The following DEPDC1B variants were observed in gnomAD, a reference collection of about 807,000 sequenced individuals.
DEPDC1B encodes the protein DEP domain containing 1B, also known as DEP domain-containing protein 1B.
In DEPDC1B, 51 loss-of-function variants were observed where a neutral mutation model predicts 66.5. That is an observed-to-expected ratio of 0.77 (90% CI 0.61 to 0.97). The LOEUF (loss-of-function observed/expected upper bound fraction) is 0.97, where lower values mean the gene tolerates loss of function less well. DEPDC1B is among the 50% of genes least tolerant of loss of function. DEPDC1B has a pLI of 0.00. For synonymous variants in DEPDC1B, 226 were observed against 223.6 expected (o/e 1.01, Z -0.10); for missense variants, 552 against 637.1 (o/e 0.87, Z 1.44).
chr5:60,687,060 C>T lies in DEPDC1B; in HGVS notation c.216G>A (p.Thr72=), dbSNP rs757840025. ...TCAGGAATTTTTTTAGCAGCTGGAC[C>T]GTTTGTTTGCGGGTCACTTCAGGGC... is the stretch of plus-strand genomic sequence containing the variant. ...NFGPEVTRKQ[T]VQLLKKFLKN... Residue 72 remains threonine (T), a synonymous_variant, in exon 2 of 11, where the codon ACG becomes ACA. Transcript: ENST00000265036. 9 of 1,614,052 alleles carry T rather than the reference C, an allele frequency of 5.6e-6. No homozygotes were observed. In the Admixed American group the frequency reaches 6.7e-5, roughly 12 times the overall value.
In DEPDC1B at chr5:60,597,639, C is replaced by A. The variant is rs1036347445; in HGVS notation, c.*114G>T. On this transcript the variant is annotated 3_prime_UTR_variant, in exon 11 of 11. Transcript: ENST00000265036. ...ACTAAGGCAATCTTTATCTATATTT[C>A]AGTAGTCTTTGTTTTATGCTTTTCT... The A allele has an allele frequency of 8.7e-7, 1 of 1,155,216 alleles. No individual in the cohort carries two copies. The highest frequency in any genetic ancestry group is 1.2e-6 in the Non-Finnish European group (1 of 814,894). 71.6% of individuals were successfully genotyped at this position (1,155,216 alleles called of 1,614,324 possible). A position where few individuals can be genotyped will look rare whatever the true frequency, so the allele number is the denominator to read the frequency against.
intron 9 of DEPDC1B, among the ~76,000 whole-genome samples, 176 bp downstream of exon 9, chr5:60,603,215 C>T (rs1752236455): frequency 6.6e-6 from 1 of 152,258 alleles, no homozygotes; most frequent in Admixed American, 6.5e-5. Flanking sequence ...ATTCTGTAAA[C>T]TTTTCAATGA....
rs539544126 is a variant in DEPDC1B, at chr5:60,615,562, C to G, written c.899-9706G>C. 3.5e-4 allele frequency among the ~76,000 whole-genome samples: 54 copies of G among 152,322 alleles called. No homozygotes were observed. The East Asian group carries it at 0.01, about 29-fold the overall frequency. ...CCTTGCTCATTGCTAGCACAGCAGT[C>G]TGAGATCAAACTGCAAGGTGGCAGC... On this transcript the variant is annotated intron_variant, in intron 7 of 10. Coordinates refer to ENST00000265036, the MANE Select transcript of DEPDC1B (RefSeq NM_018369.3).
At chr5:60,626,452 A>G (rs1327600561) in intron 7 of DEPDC1B, among the ~76,000 whole-genome samples, 4 of 152,276 alleles carry the variant, frequency 2.6e-5, no homozygotes, top group East Asian at 1.9e-4. Context: ...TGAAATTTCT[A>G]TATCACATGT....
At chr5:60,632,357 G>T (rs1227158470) in intron 7 of DEPDC1B, among the ~76,000 whole-genome samples, 3 of 152,188 alleles carry the variant, frequency 2.0e-5, no homozygotes, top group Non-Finnish European at 2.9e-5. Flanking sequence ...CCACAGGCAC[G>T]CTGGGGAAAG....
At chr5:60,627,054 C>T (rs1752822315) in intron 7 of DEPDC1B, among the ~76,000 whole-genome samples, 1 of 152,112 alleles carries the variant, frequency 6.6e-6, no homozygotes, top group Non-Finnish European at 1.5e-5. Flanking sequence ...AATATCAAAG[C>T]AGTATTCCAC....
At chr5:60,608,622 T>C (rs972414001) in intron 7 of DEPDC1B, among the ~76,000 whole-genome samples, 8 of 142,286 alleles carry the variant, frequency 5.6e-5, no homozygotes, top group Non-Finnish European at 6.0e-5. Flanking sequence ...AAATATATTT[T>C]AAAATTAAGA....
intron 2 of DEPDC1B, among the ~76,000 whole-genome samples, chr5:60,651,450 C>T (rs937610727): frequency 1.3e-5 from 2 of 151,724 alleles, no homozygotes; most frequent in Non-Finnish European, 2.9e-5. Flanking sequence ...ATTGCCTGAA[C>T]CCAGGAGGCG....
At chr5:60,699,336 A>C (rs1044529789) in intron 1 of DEPDC1B, among the ~76,000 whole-genome samples, 16 of 61,604 alleles carry the variant, frequency 2.6e-4, no homozygotes, top group Non-Finnish European at 4.5e-4. Context: ...TTACACTTCC[A>C]CAGAAAGTCC....
chr5:60,691,836 G>T (rs1288009666), intron 1 of DEPDC1B, among the ~76,000 whole-genome samples: 2 of 152,132 alleles, frequency 1.3e-5, no homozygotes, highest in Non-Finnish European at 1.5e-5. Flanking sequence ...CCACTTTTGG[G>T]TATTTGCCCA....
At chr5:60,629,264 A>G (rs970068035) in intron 7 of DEPDC1B, among the ~76,000 whole-genome samples, 1 of 152,220 alleles carries the variant, frequency 6.6e-6, no homozygotes, top group Non-Finnish European at 1.5e-5. Flanking sequence ...AGGTAGGTTG[A>G]TTCCACATCT....
At chr5:60,614,964 C>T (rs1752508458) in intron 7 of DEPDC1B, among the ~76,000 whole-genome samples, 1 of 152,138 alleles carries the variant, frequency 6.6e-6, no homozygotes, top group African/African-American at 2.4e-5. Context: ...GCACTACAGC[C>T]TGGGTGACAG....
At chr5:60,647,144 C>A (rs912531284) in intron 3 of DEPDC1B, among the ~76,000 whole-genome samples, 5 of 151,856 alleles carry the variant, frequency 3.3e-5, no homozygotes, top group African/African-American at 4.8e-5. Flanking sequence ...CCATGAAACC[C>A]ATCGCTGGTG....
At chr5:60,695,492 C>T (rs992463555) in intron 1 of DEPDC1B, among the ~76,000 whole-genome samples, 2 of 152,140 alleles carry the variant, frequency 1.3e-5, no homozygotes, top group Non-Finnish European at 2.9e-5. Flanking sequence ...AGTGATCTGC[C>T]CCAGTGACCC....
At chr5:60,613,935 A>G (rs1346958966) in intron 7 of DEPDC1B, among the ~76,000 whole-genome samples, 1 of 152,026 alleles carries the variant, frequency 6.6e-6, no homozygotes, top group African/African-American at 2.4e-5. Context: ...ATATATTTCA[A>G]TCAGTTAAGT....
intron 1 of DEPDC1B, chr5:60,688,840 G>A (rs1754481951): frequency 4.7e-6 from 1 of 212,798 alleles, no homozygotes; most frequent in South Asian, 6.3e-5. Flanking sequence ...GGTCTGCTAA[G>A]AAACAGCACA....
chr5:60,667,100 C>G (rs951486810), intron 2 of DEPDC1B, among the ~76,000 whole-genome samples: 1 of 152,046 alleles, frequency 6.6e-6, no homozygotes, highest in East Asian at 1.9e-4. Context: ...AAATCATGGG[C>G]AAAACCATTA....
intron 2 of DEPDC1B, among the ~76,000 whole-genome samples, chr5:60,681,527 C>G (rs1754296178): frequency 1.3e-5 from 2 of 152,134 alleles, no homozygotes; most frequent in South Asian, 4.1e-4. Flanking sequence ...AAAGCCAATC[C>G]ATAAAACTAG....
chr5:60,695,860 G>T (rs539329220), intron 1 of DEPDC1B, among the ~76,000 whole-genome samples: 22 of 152,208 alleles, frequency 1.4e-4, no homozygotes, highest in African/African-American at 4.6e-4. Context: ...GTGCAGTGGC[G>T]TGATCTCGGC....
Sources: gnomAD v4.1 joint callset for allele counts (sites outside exome capture counted in the v4.1 genomes callset) on GRCh38, gnomAD v4.1.1 for gene constraint, MANE v1.5 for transcripts, NCBI Gene and HGNC (gene_info 2026-07-23, HGNC 2026-07-21) for gene names.